NDRG4: variants seen among roughly 807,000 people sequenced by gnomAD.
NDRG4 encodes the protein NDRG family member 4.
NDRG4 carries 38 observed loss-of-function variants against 55.8 expected under a neutral mutation model. The observed-to-expected ratio is 0.68, with a 90% CI of 0.53 to 0.89. The LOEUF (loss-of-function observed/expected upper bound fraction) is 0.89. Among genes scored for constraint, NDRG4 ranks in the 40% least tolerant of loss-of-function variants. NDRG4 has a pLI of 0.00. For synonymous variants in NDRG4, 190 were observed against 182.7 expected (o/e 1.04, Z -0.32); for missense variants, 455 against 468.6 (o/e 0.97, Z 0.27).
chr16:58,464,739 G>A lies in NDRG4; in HGVS notation c.-24+942G>A. 1 of 1,283,726 alleles carries A rather than the reference G, an allele frequency of 7.8e-7. No homozygotes were observed. The highest frequency in any genetic ancestry group is 9.8e-7 in the Non-Finnish European group (1 of 1,016,896). The allele number at this position is 1,283,726 out of a possible 1,614,324, so 79.5% of individuals were successfully genotyped here. A position where few individuals can be genotyped will look rare whatever the true frequency, so the allele number is the denominator to read the frequency against. ...TCTCTGACCAGCGGAGCTCGGATTA[G>A]GACCCTGAAAGCTAGCTCAGGGCTC... On this transcript the variant is annotated intron_variant, in intron 1 of 15. Transcript: ENST00000258187. The surrounding 1 kb of genome is among the most constrained non-coding windows in gnomAD (Gnocchi z 4.8).
At chr16:58,510,338 G>A (rs1034740039) in intron 13 of NDRG4, among the ~76,000 whole-genome samples, 4 of 152,214 alleles carry the variant, frequency 2.6e-5, no homozygotes, top group African/African-American at 9.6e-5. Flanking sequence ...AGCTGGGAAG[G>A]GCACAGAGCG....
rs1017394676 is a variant in NDRG4, at chr16:58,492,304, C to T, written c.73-2660C>T. Reference sequence around the variant, plus strand: ...CTCCTCTGCCTCCCTCAGCTGGGCCCGCACTGCCACCTGTTCTCCTCCTCG... The same window carrying T: ...CTCCTCTGCCTCCCTCAGCTGGGCCTGCACTGCCACCTGTTCTCCTCCTCG... On this transcript the variant is annotated intron_variant, in intron 2 of 15. Coordinates refer to the NDRG4 transcript ENST00000258187. Among the ~76,000 whole-genome samples, 38 of 152,192 alleles carry T rather than the reference C, an allele frequency of 2.5e-4. 1 individual carries two copies. The highest frequency in any genetic ancestry group is 9.7e-4 in the East Asian group (5 of 5,164).
chr16:58,502,368 G>T (rs992454023), intron 1 of NDRG4, among the ~76,000 whole-genome samples: 1 of 152,112 alleles, frequency 6.6e-6, no homozygotes, highest in Non-Finnish European at 1.5e-5. Flanking sequence ...GCAATCAGCC[G>T]CATGGCTCAC....
chr16:58,464,537 G>T lies in NDRG4; in HGVS notation c.-24+740G>T. On this transcript the variant is annotated intron_variant, in intron 1 of 15. Coordinates refer to the NDRG4 transcript ENST00000258187. The surrounding 1 kb of genome is among the most constrained non-coding windows in gnomAD (Gnocchi z 4.8). ...GAGCGGACTCCGGGCGCGGCGGCCG[G>T]GGACTGGGGCGGCTCGGGTCTGAGC... is the stretch of plus-strand genomic sequence containing the variant. 1 of 1,265,514 alleles carries T rather than the reference G, an allele frequency of 7.9e-7. No homozygotes were observed. The highest frequency in any genetic ancestry group is 1.0e-6 in the Non-Finnish European group (1 of 994,618). The allele number at this position is 1,265,514 out of a possible 1,614,324, so 78.4% of individuals were successfully genotyped here. A position where few individuals can be genotyped will look rare whatever the true frequency, so the allele number is the denominator to read the frequency against.
chr16:58,492,805 C>T (rs1439720403), intron 2 of NDRG4, among the ~76,000 whole-genome samples: 1 of 152,144 alleles, frequency 6.6e-6, no homozygotes, highest in Non-Finnish European at 1.5e-5. Flanking sequence ...ATCTCCCCTT[C>T]CTTCTCCTCA....
chr16:58,499,967 G>T, upstream of NDRG4: 1 of 653,570 alleles, frequency 1.5e-6, no homozygotes, highest in Non-Finnish European at 2.5e-6. Flanking sequence ...GCAGTGACAG[G>T]GCTGGGGCAA....
chr16:58,492,551 T>TGTGTGTGTGAGA, intron 2 of NDRG4, among the ~76,000 whole-genome samples: 1 of 43,996 alleles, frequency 2.3e-5, no homozygotes, highest in East Asian at 4.9e-4. Flanking sequence ...TGTGTGTGTG[T>TGTGTGTGTGAGA]GAGAGACAGA....
chr16:58,476,052 C>T (rs2033579074), intron 1 of NDRG4, among the ~76,000 whole-genome samples: 1 of 152,202 alleles, frequency 6.6e-6, no homozygotes, highest in Admixed American at 6.5e-5. Flanking sequence ...CTGCCTCGGC[C>T]TCCCCAAGTG....
At chr16:58,504,750 C>T (rs2037628832) in intron 5 of NDRG4, 101 bp downstream of exon 5, 2 of 1,274,988 alleles carry the variant, frequency 1.6e-6, no homozygotes, top group Non-Finnish European at 2.3e-6. Context: ...AGGAAGTGTC[C>T]CTGCTCTCGC....
rs1597004375 is a variant in NDRG4, at chr16:58,464,636, A to G, written c.-24+839A>G. 1 of 928,200 alleles carries G rather than the reference A, an allele frequency of 1.1e-6. No homozygotes were observed. Among genetic ancestry groups the G allele is most frequent in the Non-Finnish European group, 1.4e-6 (1 of 698,938 alleles). The allele number at this position is 928,200 out of a possible 1,614,324, so 57.5% of individuals were successfully genotyped here. A position where few individuals can be genotyped will look rare whatever the true frequency, so the allele number is the denominator to read the frequency against. On this transcript the variant is annotated intron_variant, in intron 1 of 15. Coordinates refer to the NDRG4 transcript ENST00000258187. This position sits in a 1 kb window ranked among gnomAD's most constrained non-coding sequence, Gnocchi z 4.8. ...TGTGTGCGGAGCCCAGCCCCGGGAG[A>G]GGACTTGAGGTTGTGGCGAGTCCCT...
chr16:58,485,420 G>A (rs1009240759), intron 1 of NDRG4, among the ~76,000 whole-genome samples: 11 of 152,194 alleles, frequency 7.2e-5, no homozygotes, highest in Non-Finnish European at 1.3e-4. Context: ...AATAGCATGG[G>A]CCTTGGGGAG....
intron 1 of NDRG4, among the ~76,000 whole-genome samples, chr16:58,468,056 C>T (rs2032049389): frequency 6.6e-6 from 1 of 152,206 alleles, no homozygotes; most frequent in South Asian, 2.1e-4. Flanking sequence ...CAGGCATGGC[C>T]TCAGGGGGTG....
At position 58,503,922 on chromosome 16, in the gene NDRG4, C is replaced by T; in HGVS notation, c.127+19C>T. On this transcript the variant is annotated intron_variant, in intron 2 of 14. Transcript: ENST00000570248. ...CTCAACCGTAAGTGCAGCCCAGCCT[C>T]AGTCAGCCCTCCTCTGCCTCCCATC... 1 of 1,612,680 alleles carries T rather than the reference C, an allele frequency of 6.2e-7. No individual in the cohort carries two copies. The highest frequency in any genetic ancestry group is 8.5e-7 in the Non-Finnish European group (1 of 1,179,726).
intron 1 of NDRG4, among the ~76,000 whole-genome samples, chr16:58,503,404 A>T (rs1222497184): frequency 1.3e-5 from 2 of 152,180 alleles, no homozygotes; most frequent in South Asian, 4.1e-4. Flanking sequence ...CCCCTGCAGC[A>T]GCAGGAAGTG....
At chr16:58,486,562 TAG>T (rs1244905982) in intron 1 of NDRG4, among the ~76,000 whole-genome samples, 1 of 152,180 alleles carries the variant, frequency 6.6e-6, no homozygotes, top group East Asian at 1.9e-4. Flanking sequence ...TATGAATTTC[TAG>T]ATTATGTCCT....
chr16:58,511,516 C>T lies in NDRG4; in HGVS notation c.999C>T (p.Thr333=). The change falls in exon 15 of 15, where the codon ACC becomes ACT. Residue 333 remains threonine (T), a synonymous_variant. Transcript: ENST00000570248. ...SVDGSRPQAC[T]HSESSEGLGQ... ...ATGGCAGCCGCCCACAGGCCTGCAC[C>T]CACTCAGAGAGCAGCGAGGGGCTGG... 6.2e-7 allele frequency: 1 copy of T among 1,613,034 alleles called. No individual in the cohort carries two copies. The highest frequency in any genetic ancestry group is 1.3e-5 in the African/African-American group (1 of 75,038).
intron 3 of NDRG4, chr16:58,495,134 G>A: frequency 1.1e-6 from 1 of 932,008 alleles, no homozygotes; most frequent in African/African-American, 1.6e-5. Context: ...AGAGATGCTG[G>A]GGTGGGAGAT....
intron 8 of NDRG4, chr16:58,507,485 G>T: frequency 2.6e-6 from 1 of 388,042 alleles, no homozygotes; most frequent in Non-Finnish European, 4.3e-6. Context: ...CTGTGTGCAT[G>T]GTGCTAAGAA....
chr16:58,500,012 T>G, upstream of NDRG4: 1 of 1,165,998 alleles, frequency 8.6e-7, no homozygotes, highest in Non-Finnish European at 1.2e-6. Flanking sequence ...GCCAGGCTTG[T>G]CTCCCAGCAG....
Sources: gnomAD v4.1 joint callset for allele counts (sites outside exome capture counted in the v4.1 genomes callset) on GRCh38, gnomAD v4.1.1 for gene constraint, Gnocchi (gnomAD v3.1) non-coding constraint, MANE v1.5 for transcripts, NCBI Gene and HGNC (gene_info 2026-07-23, HGNC 2026-07-21) for gene names.